The following CASKIN2 variants were observed in gnomAD, a reference collection of about 807,000 sequenced individuals.
CASKIN2 encodes CASK interacting protein 2.
In CASKIN2, 41 loss-of-function variants were observed where a neutral mutation model predicts 107.1. The ratio of observed to expected loss-of-function variants is 0.38; its 90% confidence interval spans 0.30 to 0.50. The LOEUF is 0.50. Ranked by LOEUF, CASKIN2 falls within the 20% of genes least tolerant of loss-of-function variation. The probability of loss-of-function intolerance (pLI) is 0.92; values close to 1 mark genes in which losing one functional copy is unlikely to be tolerated. For synonymous variants in CASKIN2, 724 were observed against 705.6 expected (o/e 1.03, Z -0.41); for missense variants, 1,546 against 1,657.4 (o/e 0.93, Z 1.17).
chr17:75,505,449 G>C lies in CASKIN2; in HGVS notation c.930+108C>G. 1 of 951,872 alleles carries C rather than the reference G, an allele frequency of 1.1e-6. No individual in the cohort carries two copies. The highest frequency in any genetic ancestry group is 1.7e-6 in the Non-Finnish European group (1 of 597,560). 59.0% of individuals were successfully genotyped at this position (951,872 alleles called of 1,614,324 possible). On this transcript the variant is annotated intron_variant, in intron 10 of 19. Transcript: ENST00000321617. This position sits in a 1 kb window ranked among gnomAD's most constrained non-coding sequence, Gnocchi z 5.1. ...CCTGGCTTTAAGAAGAATTAAATGA[G>C]GGTGCATATAGAGACCTCAGAGCAG...
In CASKIN2 at chr17:75,504,063, C is replaced by T. The variant is rs2053234992; in HGVS notation, c.1468-101G>A. On this transcript the variant is annotated intron_variant, in intron 14 of 19. Coordinates refer to ENST00000321617, the MANE Select transcript of CASKIN2 (RefSeq NM_020753.5). ...TGCCTGAGCGGGGCTTCAGTCCATA[C>T]AGAGGCTCTTGCCTCTACCCTGCCC... is the stretch of plus-strand genomic sequence containing the variant. 1.9e-5 allele frequency: 24 copies of T among 1,235,588 alleles called. No individual in the cohort carries two copies. In the South Asian group the frequency reaches 3.1e-4, roughly 16 times the overall value. The allele number at this position is 1,235,588 out of a possible 1,614,324, so 76.5% of individuals were successfully genotyped here.
intron 2 of CASKIN2, chr17:75,509,856 G>A (rs1216019062): frequency 4.1e-6 from 4 of 985,734 alleles, no homozygotes; most frequent in African/African-American, 1.7e-5. Context: ...GCTGGGTGGC[G>A]GGATGCAGTC....
Position 75,505,409 on chromosome 17 carries a change from A to G in CASKIN2, c.930+148T>C. 1.5e-5 allele frequency: 11 copies of G among 744,922 alleles called. No individual in the cohort carries two copies. In the East Asian group the frequency reaches 2.7e-4, roughly 18 times the overall value. The allele number at this position is 744,922 out of a possible 1,614,324, so 46.1% of individuals were successfully genotyped here. A position where few individuals can be genotyped will look rare whatever the true frequency, so the allele number is the denominator to read the frequency against. On this transcript the variant is annotated intron_variant, in intron 10 of 19. Coordinates refer to ENST00000321617, the MANE Select transcript of CASKIN2 (RefSeq NM_020753.5). The surrounding 1 kb of genome is among the most constrained non-coding windows in gnomAD (Gnocchi z 5.1). ...TTGTCATCTGTAAAGAAGAAATGCTAACAGCACTGCCTTCCCTGGCTTTAA... is the reference window on the plus strand; with the variant it reads ...TTGTCATCTGTAAAGAAGAAATGCTGACAGCACTGCCTTCCCTGGCTTTAA...
rs568871171 is a variant in CASKIN2 at position 75,505,793 on chromosome 17, T to C, written c.835+28A>G. Reference sequence around the variant, plus strand: ...ACCACTTGAGCGGCCCCAGGCCCCCTGGGCAGGGTATCCTCCCCCGCACTC... The same window carrying C: ...ACCACTTGAGCGGCCCCAGGCCCCCCGGGCAGGGTATCCTCCCCCGCACTC... On this transcript the variant is annotated intron_variant, in intron 9 of 19. Coordinates refer to ENST00000321617, the MANE Select transcript of CASKIN2 (RefSeq NM_020753.5). This position sits in a 1 kb window ranked among gnomAD's most constrained non-coding sequence, Gnocchi z 5.1. The C allele has an allele frequency of 1.1e-5, 18 of 1,601,400 alleles. No individual in the cohort carries two copies. In the South Asian group the frequency reaches 1.9e-4, roughly 17 times the overall value.
intron 2 of CASKIN2, 70 bp downstream of exon 2, chr17:75,513,641 C>G (rs2053332499): frequency 8.3e-7 from 1 of 1,203,752 alleles, no homozygotes; most frequent in Non-Finnish European, 1.2e-6. Flanking sequence ...AGTGACCCAC[C>G]CCCACCCACC....
Position 75,504,941 on chromosome 17 carries a change from G to C in CASKIN2, c.1063C>G (p.Arg355Gly). 6.2e-7 allele frequency: 1 copy of C among 1,610,708 alleles called. No individual in the cohort carries two copies. ...AGGGGGGTGGGTGCGGAGGGGAGGC[G>C]GGCTGCAGGGATGCCCACCCGCTTG... ...VSKRVGIPAA[R>G]LPSAPTPLRP... The change falls in exon 11 of 20, where the codon CGC becomes GGC. Residue 355 changes from arginine to glycine, a missense_variant. Physicochemically the swap from Arg to Gly is moderately radical, Grantham distance 125. Transcript: ENST00000321617.
At chr17:75,508,995 G>A (rs1444870288) in intron 2 of CASKIN2, among the ~76,000 whole-genome samples, 1 of 152,214 alleles carries the variant, frequency 6.6e-6, no homozygotes, top group African/African-American at 2.4e-5. Flanking sequence ...ACAAGAGCTG[G>A]CACAGGGCCC....
At position 75,503,378 on chromosome 17, in the gene CASKIN2, A is replaced by G; in HGVS notation, c.1819+11T>C. On this transcript the variant is annotated intron_variant, in intron 17 of 19. Transcript: ENST00000321617. ...GGTGGGGGCCCAGCCAGGCCTCAGGACAGTCCTTACCGAGCTTGTTGACCC... is the reference window on the plus strand; with the variant it reads ...GGTGGGGGCCCAGCCAGGCCTCAGGGCAGTCCTTACCGAGCTTGTTGACCC... 6.2e-7 allele frequency: 1 copy of G among 1,610,610 alleles called. No individual in the cohort carries two copies. The highest frequency in any genetic ancestry group is 8.5e-7 in the Non-Finnish European group (1 of 1,178,462).
chr17:75,506,613 G>A lies in CASKIN2; in HGVS notation c.587C>T (p.Ala196Val). Residue 196 changes from alanine (A) to valine (V), a missense_variant, in exon 7 of 20, where the codon GCT becomes GTT. This residue lies in a region of CASKIN2 where 3 missense variants were observed against 17.3 expected (regional missense o/e 0.17). Transcript: ENST00000321617. The surrounding 1 kb of genome is among the most constrained non-coding windows in gnomAD (Gnocchi z 4.8). ...DPNYTTPLHLAAKNGHREVIR... is the reference protein window; with the variant it reads ...DPNYTTPLHLVAKNGHREVIR... ...GACTTCTCTGTGGCCATTCTTGGCA[G>A]CCAAGTGCAGGGGCGTGGTGTAGTT... 1 of 1,613,404 alleles carries A rather than the reference G, an allele frequency of 6.2e-7. No individual in the cohort carries two copies. Among genetic ancestry groups the A allele is most frequent in the Non-Finnish European group, 8.5e-7 (1 of 1,179,980 alleles).
Position 75,503,842 on chromosome 17 carries a change from C to T in CASKIN2, c.1578+10G>A. 1 of 1,612,268 alleles carries T rather than the reference C, an allele frequency of 6.2e-7. No individual in the cohort carries two copies. Among genetic ancestry groups the T allele is most frequent in the Non-Finnish European group, 8.5e-7 (1 of 1,179,692 alleles). On this transcript the variant is annotated intron_variant, in intron 15 of 19. Coordinates refer to ENST00000321617, the MANE Select transcript of CASKIN2 (RefSeq NM_020753.5). Reference sequence around the variant, plus strand: ...CCCGCTGGGTGCTGCTTCCCGGCTGCAGCACCCACCTCAGGTGTCATGCGG... The same window carrying T: ...CCCGCTGGGTGCTGCTTCCCGGCTGTAGCACCCACCTCAGGTGTCATGCGG...
In CASKIN2 at chr17:75,506,862, T is replaced by G. The variant is rs2146990195; in HGVS notation, c.423A>C (p.Pro141=). 6.2e-7 allele frequency: 1 copy of G among 1,611,874 alleles called. No homozygotes were observed. The highest frequency in any genetic ancestry group is 8.5e-7 in the Non-Finnish European group (1 of 1,179,376). Residue 141 remains proline (P), a synonymous_variant, in exon 6 of 20, where the codon CCA becomes CCC. Transcript: ENST00000321617. The surrounding 1 kb of genome is among the most constrained non-coding windows in gnomAD (Gnocchi z 4.8). ...SEMLLQHQSN[P]CLVNKAKKTP... is the part of the protein sequence containing the mutation. ...TCTTCTTGGCCTTGTTGACCAGGCA[T>G]GGGTTGGACTGATGCTGGAGGAGCA...
rs2146988622 is a variant in CASKIN2 at position 75,506,042 on chromosome 17, G to T, written c.727-113C>A. On this transcript the variant is annotated intron_variant, in intron 8 of 19. Transcript: ENST00000321617. This position sits in a 1 kb window ranked among gnomAD's most constrained non-coding sequence, Gnocchi z 4.8. ...TACCATTTTCCGATTTTACAGATGAGGACATAGAGGCTCAGGGACTCAGTC... is the reference window on the plus strand; with the variant it reads ...TACCATTTTCCGATTTTACAGATGATGACATAGAGGCTCAGGGACTCAGTC... 1 of 882,336 alleles carries T rather than the reference G, an allele frequency of 1.1e-6. No homozygotes were observed. Among genetic ancestry groups the T allele is most frequent in the East Asian group, 2.7e-5 (1 of 37,724 alleles). The allele number at this position is 882,336 out of a possible 1,614,324, so 54.7% of individuals were successfully genotyped here.
In CASKIN2 at chr17:75,506,198, A is replaced by T; in HGVS notation, c.726+107T>A. On this transcript the variant is annotated intron_variant, in intron 8 of 19. Transcript: ENST00000321617. This position sits in a 1 kb window ranked among gnomAD's most constrained non-coding sequence, Gnocchi z 4.8. ...AAGTCAGGCCTCTTTCCTGACGCCC[A>T]TGCAAAAACCACGCTGGAGTCCTCC... is the stretch of plus-strand genomic sequence containing the variant. The T allele has an allele frequency of 1.0e-6, 1 of 999,594 alleles. No homozygotes were observed. Among genetic ancestry groups the T allele is most frequent in the Non-Finnish European group, 1.5e-6 (1 of 674,004 alleles). 61.9% of individuals were successfully genotyped at this position (999,594 alleles called of 1,614,324 possible).
In CASKIN2 at chr17:75,505,692, C is replaced by G. The variant is rs1462134828; in HGVS notation, c.836-41G>C. On this transcript the variant is annotated intron_variant, in intron 9 of 19. Coordinates refer to ENST00000321617, the MANE Select transcript of CASKIN2 (RefSeq NM_020753.5). The surrounding 1 kb of genome is among the most constrained non-coding windows in gnomAD (Gnocchi z 5.1). ...GGGGGACAGGTGTCATCTAAGGGTCCTTAGGGCATCTTCCCACCCCTCATG... is the reference window on the plus strand; with the variant it reads ...GGGGGACAGGTGTCATCTAAGGGTCGTTAGGGCATCTTCCCACCCCTCATG... The G allele has an allele frequency of 6.3e-7, 1 of 1,584,582 alleles. No individual in the cohort carries two copies. Among genetic ancestry groups the G allele is most frequent in the East Asian group, 2.2e-5 (1 of 44,682 alleles).
At position 75,506,236 on chromosome 17, in the gene CASKIN2, CCCAG is replaced by C; in HGVS notation, c.726+65_726+68del. On this transcript the variant is annotated intron_variant, in intron 8 of 19. Transcript: ENST00000321617. This position sits in a 1 kb window ranked among gnomAD's most constrained non-coding sequence, Gnocchi z 4.8. The stretch of plus-strand genomic sequence containing the variant: ...GCTGGAGTCCTCCGTCCCGTACCTC[CCCAG>C]CCAGTCAGGGGCACAGGGCAGAGGC... 7.2e-7 allele frequency: 1 copy of C among 1,380,054 alleles called. No individual in the cohort carries two copies. The highest frequency in any genetic ancestry group is 1.0e-6 in the Non-Finnish European group (1 of 982,850). The allele number at this position is 1,380,054 out of a possible 1,614,324, so 85.5% of individuals were successfully genotyped here. A position where few individuals can be genotyped will look rare whatever the true frequency, so the allele number is the denominator to read the frequency against.
In CASKIN2 at chr17:75,505,632, C is replaced by A. The variant is rs757224772; in HGVS notation, c.855G>T (p.Lys285Asn). Residue 285 changes from lysine (K) to asparagine (N), a missense_variant, in exon 10 of 20, where the codon AAG becomes AAT. Transcript: ENST00000321617. This position sits in a 1 kb window ranked among gnomAD's most constrained non-coding sequence, Gnocchi z 5.1. ...QLLREASGIL[K>N]VRALKDFWNL... ...TCCAGAAATCCTTGAGCGCTCGGAC[C>A]TTCAGGATCCCTGAGGCCTCTAAGA... The A allele has an allele frequency of 6.2e-7, 1 of 1,613,302 alleles. No individual in the cohort carries two copies. The highest frequency in any genetic ancestry group is 8.5e-7 in the Non-Finnish European group (1 of 1,179,950).
In CASKIN2 at chr17:75,502,421, C is replaced by T. The variant is rs1371198634; in HGVS notation, c.2653G>A (p.Glu885Lys). The stretch of plus-strand genomic sequence containing the variant: ...GGGCTCTCATCTAGTGGAGGTGGCT[C>T]CGGGCTGGGGCCAGAGACGGAGCTG... ...RLSSVSGPSP[E>K]PPPLDESPGP... The change falls in exon 18 of 20, where the codon GAG becomes AAG. Residue 885 changes from glutamate (E) to lysine (K), a missense_variant. This residue lies in a region of CASKIN2 where 1,311 missense variants were observed against 1,311.0 expected (regional missense o/e 1.00). Coordinates refer to ENST00000321617, the MANE Select transcript of CASKIN2 (RefSeq NM_020753.5). The surrounding 1 kb of genome is among the most constrained non-coding windows in gnomAD (Gnocchi z 4.3). 1 of 1,455,266 alleles carries T rather than the reference C, an allele frequency of 6.9e-7. No homozygotes were observed. Among genetic ancestry groups the T allele is most frequent in the African/African-American group, 1.4e-5 (1 of 69,182 alleles). 90.1% of individuals were successfully genotyped at this position (1,455,266 alleles called of 1,614,324 possible). A position where few individuals can be genotyped will look rare whatever the true frequency, so the allele number is the denominator to read the frequency against.
Position 75,503,837 on chromosome 17 carries a change from G to T in CASKIN2, c.1578+15C>A. 6.2e-7 allele frequency: 1 copy of T among 1,610,366 alleles called. No homozygotes were observed. The highest frequency in any genetic ancestry group is 2.2e-5 in the East Asian group (1 of 44,778). ...CCCCGCCCGCTGGGTGCTGCTTCCCGGCTGCAGCACCCACCTCAGGTGTCA... is the reference window on the plus strand; with the variant it reads ...CCCCGCCCGCTGGGTGCTGCTTCCCTGCTGCAGCACCCACCTCAGGTGTCA... On this transcript the variant is annotated intron_variant, in intron 15 of 19. Transcript: ENST00000321617.
Position 75,502,510 on chromosome 17 carries a change from C to T in CASKIN2, c.2564G>A (p.Arg855His), listed in dbSNP as rs1417919888. The change falls in exon 18 of 20, where the codon CGC becomes CAC. Residue 855 changes from arginine (R) to histidine (H), a missense_variant. This residue lies in a region of CASKIN2 where 1,311 missense variants were observed against 1,311.0 expected (regional missense o/e 1.00). Coordinates refer to ENST00000321617, the MANE Select transcript of CASKIN2 (RefSeq NM_020753.5). The surrounding 1 kb of genome is among the most constrained non-coding windows in gnomAD (Gnocchi z 4.3). ...VTPTPARGTP[R>H]SQSFALRARR... ...GGCCCGCAGGGCAAAGGACTGGCTGCGAGGAGTCCCCCGAGCTGGGGTTGG... is the reference window on the plus strand; with the variant it reads ...GGCCCGCAGGGCAAAGGACTGGCTGTGAGGAGTCCCCCGAGCTGGGGTTGG... The T allele has an allele frequency of 1.0e-5, 15 of 1,471,078 alleles. No homozygotes were observed. The highest frequency in any genetic ancestry group is 2.8e-5 in the South Asian group (2 of 71,474). The allele number at this position is 1,471,078 out of a possible 1,614,324, so 91.1% of individuals were successfully genotyped here. A position where few individuals can be genotyped will look rare whatever the true frequency, so the allele number is the denominator to read the frequency against.
Sources: gnomAD v4.1 joint callset for allele counts (sites outside exome capture counted in the v4.1 genomes callset) on GRCh38, gnomAD v4.1.1 for gene constraint, gnomAD v4.1.1 regional missense constraint, Gnocchi (gnomAD v3.1) non-coding constraint, MANE v1.5 for transcripts, NCBI Gene and HGNC (gene_info 2026-07-23, HGNC 2026-07-21) for gene names.